Variants in EIF3B observed in about 807,000 individuals in gnomAD.
EIF3B encodes eukaryotic translation initiation factor 3 subunit 9.
Under a neutral mutation model 104.6 loss-of-function variants are expected in EIF3B, and 10 were observed. The ratio of observed to expected loss-of-function variants is 0.10; its 90% CI spans 0.06 to 0.16. The LOEUF (loss-of-function observed/expected upper bound fraction) is 0.16. EIF3B is among the 10% of genes least tolerant of loss of function. The pLI, the probability that EIF3B is intolerant of heterozygous loss-of-function variation, is 1.00. For missense variants in EIF3B, 1,014 were observed against 1,087.9 expected (o/e 0.93, Z 0.96); for synonymous variants, 542 against 417.2 (o/e 1.30, Z -3.65).
intron 1 of EIF3B, among the ~76,000 whole-genome samples, chr7:2,359,554 C>G (rs911302341): frequency 6.6e-6 from 1 of 152,182 alleles, no homozygotes; most frequent in Non-Finnish European, 1.5e-5. Flanking sequence ...CGTCTATATC[C>G]TCTGTAACGT....
intron 2 of EIF3B, among the ~76,000 whole-genome samples, chr7:2,361,669 T>A (rs1779735424): frequency 6.6e-6 from 1 of 152,210 alleles, no homozygotes; most frequent in Admixed American, 6.5e-5. Context: ...TCCACCCGCC[T>A]CGGCCTCCCA....
chr7:2,355,073 C>G lies in EIF3B; in HGVS notation c.152C>G (p.Ser51Cys). The G allele has an allele frequency of 7.8e-7, 1 of 1,289,010 alleles. No homozygotes were observed. The highest frequency in any genetic ancestry group is 9.8e-7 in the Non-Finnish European group (1 of 1,020,998). The allele number at this position is 1,289,010 out of a possible 1,614,324, so 79.8% of individuals were successfully genotyped here. The change falls in exon 1 of 19, where the codon TCC (serine) becomes TGC (cysteine). Residue 51 changes from serine to cysteine, a missense_variant. By Grantham distance (112) the Ser-to-Cys change is moderately radical. Transcript: ENST00000360876. ...CCGGAGGCCGCGGGGACCGAGGCCT[C>G]CAGTGAGGAGGTGGGGATCGCGGAG... Reference protein sequence around the residue: ...GAPEAAGTEASSEEVGIAEAG... With the variant: ...GAPEAAGTEACSEEVGIAEAG...
upstream of EIF3B, chr7:2,354,794 G>C: frequency 1.1e-6 from 1 of 876,936 alleles, no homozygotes. Flanking sequence ...CCCCCGCCCC[G>C]CGGCCTTGGT....
At chr7:2,367,861 A>T (rs1449962324) in intron 9 of EIF3B, among the ~76,000 whole-genome samples, 4 of 37,650 alleles carry the variant, frequency 1.1e-4, no homozygotes, top group Non-Finnish European at 1.9e-4. Flanking sequence ...TTTTTTTTTG[A>T]GGCAGAGTCT....
In EIF3B at chr7:2,380,659, G is replaced by T. The variant is rs560527966; in HGVS notation, c.*470G>T. ...CCCGGAGACCCACCGGGAGGGCGCC[G>T]CCATGCCTTGTACCCCCACCGTGCA... On this transcript the variant is annotated 3_prime_UTR_variant, in exon 19 of 19. Coordinates refer to ENST00000360876, the MANE Select transcript of EIF3B (RefSeq NM_001037283.2). 1 of 230,452 alleles carries T rather than the reference G, an allele frequency of 4.3e-6. No individual in the cohort carries two copies. The highest frequency in any genetic ancestry group is 9.0e-6 in the Non-Finnish European group (1 of 111,460). 14.3% of individuals were successfully genotyped at this position (230,452 alleles called of 1,614,324 possible). A position where few individuals can be genotyped will look rare whatever the true frequency, so the allele number is the denominator to read the frequency against.
In EIF3B at chr7:2,369,296, G is replaced by A. The variant is rs1780193033; in HGVS notation, c.1404-176G>A. Among the ~76,000 whole-genome samples, 5 of 152,216 alleles carry A rather than the reference G, an allele frequency of 3.3e-5. No homozygotes were observed. In the South Asian group the frequency reaches 1.0e-3, roughly 32 times the overall value. On this transcript the variant is annotated intron_variant, in intron 9 of 18. Coordinates refer to ENST00000360876, the MANE Select transcript of EIF3B (RefSeq NM_001037283.2). ...CAGTAGTGCCACAGGGTCCTGGCGA[G>A]GACCTATGAAGCTGCGCGGCATGCC...
intron 4 of EIF3B, 73 bp downstream of exon 4, chr7:2,363,200 C>T (rs2115295858): frequency 6.8e-7 from 1 of 1,462,206 alleles, no homozygotes; most frequent in East Asian, 2.3e-5. Flanking sequence ...CACCTGCAAT[C>T]CCAGCACTTA....
intron 10 of EIF3B, among the ~76,000 whole-genome samples, chr7:2,370,033 A>G (rs951217516): frequency 6.6e-6 from 1 of 151,956 alleles, no homozygotes; most frequent in Non-Finnish European, 1.5e-5. Context: ...CGCCTTGGCC[A>G]CCCAAAGGGC....
intron 9 of EIF3B, among the ~76,000 whole-genome samples, chr7:2,368,907 A>G (rs777596476): frequency 1.1e-4 from 16 of 152,228 alleles, no homozygotes; most frequent in Admixed American, 2.0e-4. Flanking sequence ...AAAGACCAGG[A>G]CGTTGGTTCT....
chr7:2,362,020 C>T (rs375503055), intron 2 of EIF3B, among the ~76,000 whole-genome samples: 76 of 150,958 alleles, frequency 5.0e-4, no homozygotes, highest in African/African-American at 1.8e-3. Flanking sequence ...AGTGCAGTGG[C>T]ACGATCTTGG....
chr7:2,363,373 C>G (rs1405641478), intron 4 of EIF3B, among the ~76,000 whole-genome samples: 1 of 151,422 alleles, frequency 6.6e-6, no homozygotes, highest in Non-Finnish European at 1.5e-5. Context: ...GGGGGAGGAT[C>G]ACTTGAGCCT....
At chr7:2,379,870 G>A (rs1367126587) in intron 18 of EIF3B, 5 of 298,516 alleles carry the variant, frequency 1.7e-5, no homozygotes, top group South Asian at 1.3e-4. Context: ...TGGCGTGCAC[G>A]GCTGTGACTG....
At chr7:2,354,681 C>G (rs2301943), upstream of EIF3B, among the ~76,000 whole-genome samples, 33,871 of 152,160 alleles carry the variant, frequency 0.22, 4,315 homozygotes, top group South Asian at 0.39. Context: ...TGGAATTAAG[C>G]ACTTTCTTGT....
chr7:2,371,234 G>C (rs1345374954), intron 10 of EIF3B, among the ~76,000 whole-genome samples: 1 of 152,238 alleles, frequency 6.6e-6, no homozygotes, highest in East Asian at 1.9e-4. Flanking sequence ...CCTTCACGGA[G>C]CACAGCGTTC....
At chr7:2,366,840 G>T (rs1780053980) in intron 8 of EIF3B, 159 bp from the exon 9 acceptor site, 1 of 845,754 alleles carries the variant, frequency 1.2e-6, no homozygotes, top group East Asian at 2.4e-5. Context: ...TGCAGTTCTG[G>T]GTGGCGGGTG....
In EIF3B at chr7:2,374,454, A is replaced by G. The variant is rs1261935084; in HGVS notation, c.1811-74A>G. Reference sequence around the variant, plus strand: ...CTCATGGGCAGCATGAGCACGGCCAAGTCCTCCAGCCTTGGCTGCCCCGGC... The same window carrying G: ...CTCATGGGCAGCATGAGCACGGCCAGGTCCTCCAGCCTTGGCTGCCCCGGC... On this transcript the variant is annotated intron_variant, in intron 12 of 18. Coordinates refer to ENST00000360876, the MANE Select transcript of EIF3B (RefSeq NM_001037283.2). 7 of 1,479,092 alleles carry G rather than the reference A, an allele frequency of 4.7e-6. No individual in the cohort carries two copies. In the Admixed American group the frequency reaches 5.2e-5, roughly 11 times the overall value. 91.6% of individuals were successfully genotyped at this position (1,479,092 alleles called of 1,614,324 possible). A position where few individuals can be genotyped will look rare whatever the true frequency, so the allele number is the denominator to read the frequency against.
Position 2,379,249 on chromosome 7 carries a change from TAG to T in EIF3B, c.2341+11_2341+12del. Reference sequence around the variant, plus strand: ...CGCCTGGAGTTGCGAGGAGGTAACTTAGAGATCCCTCAGTCCCCAGGAGCTGG... The same window carrying T: ...CGCCTGGAGTTGCGAGGAGGTAACTTAGATCCCTCAGTCCCCAGGAGCTGG... On this transcript the variant is annotated splice_region_variant and intron_variant, in intron 17 of 18. Coordinates refer to ENST00000360876, the MANE Select transcript of EIF3B (RefSeq NM_001037283.2). The T allele has an allele frequency of 6.2e-7, 1 of 1,608,256 alleles. No individual in the cohort carries two copies. Among genetic ancestry groups the T allele is most frequent in the Non-Finnish European group, 8.5e-7 (1 of 1,176,654 alleles).
chr7:2,378,344 C>T (rs1780785038), intron 15 of EIF3B: 2 of 269,422 alleles, frequency 7.4e-6, no homozygotes, highest in South Asian at 4.1e-5. Context: ...TGTGAATGAC[C>T]CTTGGTGTCA....
chr7:2,362,238 G>A (rs989337047), intron 2 of EIF3B, among the ~76,000 whole-genome samples: 1 of 152,198 alleles, frequency 6.6e-6, no homozygotes, highest in Non-Finnish European at 1.5e-5. Flanking sequence ...GGGATTACAG[G>A]TGTGAACCAT....
Sources: allele counts gnomAD v4.1 joint callset (sites outside exome capture counted in the v4.1 genomes callset), GRCh38; gene constraint gnomAD v4.1.1; transcripts MANE v1.5; gene names NCBI Gene and HGNC (gene_info 2026-07-23, HGNC 2026-07-21).